The following SGCD variants were observed in gnomAD, a reference collection of about 807,000 sequenced individuals.
The protein encoded by SGCD is sarcoglycan delta, also known as delta-sarcoglycan.
SGCD carries 18 observed loss-of-function variants against 36.6 expected under a neutral mutation model. That is an observed-to-expected ratio of 0.49 (90% confidence interval 0.34 to 0.73). SGCD has a LOEUF of 0.73. Ranked by LOEUF, SGCD falls within the 30% of genes least tolerant of loss-of-function variation. SGCD has a pLI of 0.01. For synonymous variants in SGCD, 133 were observed against 130.6 expected, an observed-to-expected ratio of 1.02 and a Z score of -0.12; for missense variants, 387 against 346.7, an observed-to-expected ratio of 1.12 and a Z score of -0.92.
chr5:156,222,109 A>G (rs1480704304), intron 3 of SGCD, among the ~76,000 whole-genome samples: 1 of 152,072 alleles, frequency 6.6e-6, no homozygotes, highest in African/African-American at 2.4e-5. Context: ...GGAAAATTTC[A>G]GTTCTGCTCT....
intron 1 of SGCD, among the ~76,000 whole-genome samples, chr5:155,905,122 T>C (rs1006864112): frequency 1.3e-5 from 2 of 152,152 alleles, no homozygotes; most frequent in Non-Finnish European, 1.5e-5. Flanking sequence ...AAATGGGTGC[T>C]ACCAAGTCCC....
chr5:156,072,968 G>C (rs1581079912), intron 1 of SGCD, among the ~76,000 whole-genome samples: 1 of 152,144 alleles, frequency 6.6e-6, no homozygotes, highest in African/African-American at 2.4e-5. Context: ...TCGAGCCTTG[G>C]CTTTCAGCTC....
At chr5:156,140,660 T>C (rs1762558425) in intron 3 of SGCD, among the ~76,000 whole-genome samples, 1 of 151,952 alleles carries the variant, frequency 6.6e-6, no homozygotes, top group African/African-American at 2.4e-5. Context: ...AATATGAGAA[T>C]AGAAAAAATG....
rs1048055276 is a variant in SGCD, at chr5:155,946,072, G to A, written c.-282+75648G>A. Among the ~76,000 whole-genome samples, 8 of 152,234 alleles carry A rather than the reference G, an allele frequency of 5.3e-5. No individual in the cohort carries two copies. In the South Asian group the frequency reaches 6.2e-4, roughly 12 times the overall value. On this transcript the variant is annotated intron_variant, in intron 1 of 9. Coordinates refer to the SGCD transcript ENST00000517913. The stretch of plus-strand genomic sequence containing the variant: ...TACATGCAGTTGGAAGGTGTCAAGC[G>A]TGACTCTTACAAATATTCACATTCC...
chr5:155,869,232 C>A (rs112321598), upstream of SGCD, among the ~76,000 whole-genome samples: 703 of 152,282 alleles, frequency 4.6e-3, 2 homozygotes, highest in Non-Finnish European at 6.4e-3. Flanking sequence ...AAGGCAGGAG[C>A]CCTGCTTGTT....
intron 4 of SGCD, among the ~76,000 whole-genome samples, chr5:156,546,629 A>G (rs547878056): frequency 7.2e-5 from 11 of 152,300 alleles, no homozygotes; most frequent in East Asian, 5.8e-4. Flanking sequence ...TGAGATTACA[A>G]TGGGTCAAGA....
rs143535937 is a variant in SGCD at position 156,158,526 on chromosome 5, A to G, written c.-44+34507A>G. 8.8e-4 allele frequency among the ~76,000 whole-genome samples: 133 copies of G among 151,472 alleles called. 3 individuals carry two copies. The highest frequency in any genetic ancestry group is 3.1e-3 in the African/African-American group (126 of 40,842). On this transcript the variant is annotated intron_variant, in intron 3 of 9. Transcript: ENST00000517913. ...AGGGGAGAGGGGAGGGAACAAAAAG[A>G]GTAAGTGACCTGACCCCACTCACGG...
intron 3 of SGCD, among the ~76,000 whole-genome samples, chr5:156,414,630 G>A (rs187202394): frequency 6.6e-6 from 1 of 152,322 alleles, no homozygotes; most frequent in African/African-American, 2.4e-5. Flanking sequence ...GAGTGTGGCT[G>A]TATTCCAATA....
chr5:155,794,357 T>C, the SGCD span, among the ~76,000 whole-genome samples: 10 of 152,254 alleles, frequency 6.6e-5, 1 homozygote, highest in African/African-American at 1.7e-4. Context: ...TAGAATATAA[T>C]ATATTCACAG....
chr5:156,430,657 TG>T (rs1275941662), intron 3 of SGCD, among the ~76,000 whole-genome samples: 3 of 152,184 alleles, frequency 2.0e-5, no homozygotes, highest in African/African-American at 4.8e-5. Flanking sequence ...GTTTGGACTA[TG>T]TTTTTTTTTA....
intron 1 of SGCD, among the ~76,000 whole-genome samples, chr5:155,892,849 G>T (rs973596995): frequency 2.6e-5 from 4 of 152,122 alleles, no homozygotes; most frequent in African/African-American, 9.7e-5. Context: ...AGTAAAGTAC[G>T]CCAGACACTG....
At chr5:155,986,889 T>TA (rs760676488) in intron 1 of SGCD, among the ~76,000 whole-genome samples, 6 of 152,190 alleles carry the variant, frequency 3.9e-5, no homozygotes, top group Non-Finnish European at 7.3e-5. Flanking sequence ...CTAGGCATGG[T>TA]AGCAGTGAGG....
intron 1 of SGCD, among the ~76,000 whole-genome samples, chr5:156,000,830 C>A (rs965193296): frequency 6.6e-6 from 1 of 150,976 alleles, no homozygotes; most frequent in East Asian, 1.9e-4. Context: ...GCCCTCCCCA[C>A]CCTTTCAGTT....
intron 2 of SGCD, among the ~76,000 whole-genome samples, chr5:156,334,162 T>A (rs1429611923): frequency 5.3e-5 from 8 of 152,156 alleles, no homozygotes; most frequent in Non-Finnish European, 8.8e-5. Context: ...ACAGAAGAGC[T>A]GTAGTAGCTT....
chr5:156,650,461 A>G (rs930393036), intron 7 of SGCD, among the ~76,000 whole-genome samples: 1 of 152,090 alleles, frequency 6.6e-6, no homozygotes, highest in African/African-American at 2.4e-5. Flanking sequence ...GTAATACCCA[A>G]TAGGTAGTTT....
chr5:156,557,926 G>A (rs1325286348), intron 4 of SGCD, among the ~76,000 whole-genome samples: 1 of 151,362 alleles, frequency 6.6e-6, no homozygotes. Flanking sequence ...GTTATATCCT[G>A]ATTTGGAGAG....
Position 156,715,040 on chromosome 5 carries a change from T to C in SGCD, c.576-42541T>C, listed in dbSNP as rs1291232563. ...GTTGACAGGCTCAGGAAAGGGCTCA[T>C]TGAGCCATAGAAGTTGACATTTGGC... On this transcript the variant is annotated intron_variant, in intron 7 of 8. Coordinates refer to ENST00000337851, the MANE Select transcript of SGCD (RefSeq NM_000337.6). Among the ~76,000 whole-genome samples, 3 of 152,212 alleles carry C rather than the reference T, an allele frequency of 2.0e-5. No individual in the cohort carries two copies. The East Asian group carries it at 5.8e-4, about 29-fold the overall frequency.
chr5:156,225,837 T>G (rs1223672179), intron 3 of SGCD, among the ~76,000 whole-genome samples: 1 of 151,906 alleles, frequency 6.6e-6, no homozygotes, highest in Non-Finnish European at 1.5e-5. Context: ...ACCTTAAAGG[T>G]TAAGAGAGAT....
intron 1 of SGCD, among the ~76,000 whole-genome samples, chr5:156,038,236 G>T (rs1009143349): frequency 5.9e-5 from 9 of 152,070 alleles, no homozygotes; most frequent in Admixed American, 5.2e-4. Flanking sequence ...AAGGCAGGGA[G>T]ACATTCTACA....
Sources: allele counts gnomAD v4.1 joint callset (sites outside exome capture counted in the v4.1 genomes callset), GRCh38; gene constraint gnomAD v4.1.1; transcripts MANE v1.5; gene names NCBI Gene and HGNC (gene_info 2026-07-23, HGNC 2026-07-21).